NMNAT2: variants seen among roughly 807,000 people sequenced by gnomAD.
NMNAT2 encodes the protein nicotinamide/nicotinic acid mononucleotide adenylyltransferase 2.
A neutral mutation model predicts 41.6 loss-of-function variants in NMNAT2; 11 were observed. The observed-to-expected ratio is 0.26, with a 90% CI of 0.17 to 0.44. The LOEUF is 0.44. Ranked by LOEUF, NMNAT2 falls within the 20% of genes least tolerant of loss-of-function variation. NMNAT2 has a pLI of 1.00. For missense variants in NMNAT2, 288 were observed against 407.7 expected (o/e 0.71, Z 2.53); for synonymous variants, 148 against 151.2 (o/e 0.98, Z 0.16).
chr1:183,295,090 A>G (rs1661651903), intron 1 of NMNAT2, among the ~76,000 whole-genome samples: 1 of 151,980 alleles, frequency 6.6e-6, no homozygotes, highest in Non-Finnish European at 1.5e-5. Flanking sequence ...TGCCACCTCT[A>G]CCTCCTGGGT....
At chr1:183,304,620 C>T in intron 1 of NMNAT2, 1 of 1,559,376 alleles carries the variant, frequency 6.4e-7, no homozygotes. Context: ...CTGCACCTCC[C>T]TCCAGCTGCC....
chr1:183,319,577 T>A (rs1232898935), intron 1 of NMNAT2, among the ~76,000 whole-genome samples: 3 of 152,234 alleles, frequency 2.0e-5, no homozygotes, highest in Non-Finnish European at 2.9e-5. Flanking sequence ...CAGCTTCCAC[T>A]TGCCATGGTG....
At chr1:183,372,234 G>A (rs529116584) in intron 1 of NMNAT2, among the ~76,000 whole-genome samples, 4 of 152,252 alleles carry the variant, frequency 2.6e-5, no homozygotes, top group East Asian at 1.9e-4. Context: ...TGTACTGCCC[G>A]GCATTGGCTA....
At chr1:183,256,627 CT>C (rs1218982600) in intron 10 of NMNAT2, among the ~76,000 whole-genome samples, 1 of 152,148 alleles carries the variant, frequency 6.6e-6, no homozygotes, top group Non-Finnish European at 1.5e-5. Context: ...TTAAACCAGC[CT>C]TGTGTGCCAG....
chr1:183,275,775 C>G (rs1340248675), intron 8 of NMNAT2, among the ~76,000 whole-genome samples: 7 of 152,066 alleles, frequency 4.6e-5, no homozygotes, highest in Admixed American at 2.6e-4. Flanking sequence ...CAGGTTCAAG[C>G]AATTCTCCTG....
chr1:183,380,328 T>G (rs1398604784), intron 1 of NMNAT2, among the ~76,000 whole-genome samples: 2 of 152,250 alleles, frequency 1.3e-5, no homozygotes, highest in Non-Finnish European at 2.9e-5. Flanking sequence ...TTTTCTCATC[T>G]GTTTATTTTT....
At chr1:183,291,891 T>C (rs1452009677) in intron 3 of NMNAT2, among the ~76,000 whole-genome samples, 2 of 152,246 alleles carry the variant, frequency 1.3e-5, no homozygotes, top group East Asian at 3.8e-4. Context: ...GGGCATGTGC[T>C]TCTCACACAA....
rs200707722 is a variant in NMNAT2, at chr1:183,290,167, C to T, written c.282G>A (p.Thr94=). The T allele has an allele frequency of 1.6e-5, 26 of 1,587,754 alleles. No homozygotes were observed. Among genetic ancestry groups the T allele is most frequent in the East Asian group, 1.1e-4 (5 of 43,878 alleles). ...GGTGGTGTTCCAACACGCTGCAGGT[C>T]GTCTGCCAGGTGTCCTGGTAGCACT... ...PWECYQDTWQ[T]TCSVLEHHRD... The change falls in exon 4 of 11, where the codon ACG becomes ACA. Residue 94 remains threonine, a synonymous_variant. Coordinates refer to ENST00000287713, the MANE Select transcript of NMNAT2 (RefSeq NM_015039.4).
At chr1:183,317,418 T>C (rs991583190) in intron 1 of NMNAT2, among the ~76,000 whole-genome samples, 1 of 152,170 alleles carries the variant, frequency 6.6e-6, no homozygotes, top group African/African-American at 2.4e-5. Flanking sequence ...TCAGCCACCA[T>C]GTTCAGCTAA....
intron 1 of NMNAT2, among the ~76,000 whole-genome samples, chr1:183,319,207 G>A (rs1250394175): frequency 1.3e-5 from 2 of 152,148 alleles, no homozygotes; most frequent in Admixed American, 6.5e-5. Flanking sequence ...AATCTGCTCC[G>A]GTTACTTCCA....
chr1:183,292,763 C>T (rs1320655607), intron 3 of NMNAT2, 27 bp downstream of exon 3: 1 of 1,608,070 alleles, frequency 6.2e-7, no homozygotes. Flanking sequence ...CGGGCCACTG[C>T]CTCTGGCATC....
At position 183,292,908 on chromosome 1, in the gene NMNAT2, A is replaced by T; in HGVS notation, c.175-51T>A. 3 of 1,562,302 alleles carry T rather than the reference A, an allele frequency of 1.9e-6. No individual in the cohort carries two copies. In the South Asian group the frequency reaches 3.4e-5, roughly 17 times the overall value. ...GGAGACTCCCTCCGTTCCCCACAAC[A>T]TCCTTGGGATACCAGCCCAAGCCCA... On this transcript the variant is annotated intron_variant, in intron 2 of 10. Coordinates refer to ENST00000287713, the MANE Select transcript of NMNAT2 (RefSeq NM_015039.4).
intron 8 of NMNAT2, among the ~76,000 whole-genome samples, chr1:183,263,289 A>T (rs1380262332): frequency 1.3e-5 from 2 of 152,210 alleles, no homozygotes; most frequent in Admixed American, 1.3e-4. Flanking sequence ...AACACACTGC[A>T]TCTATTGGTG....
chr1:183,362,578 A>T (rs749799503), intron 1 of NMNAT2, among the ~76,000 whole-genome samples: 20 of 152,220 alleles, frequency 1.3e-4, no homozygotes, highest in Non-Finnish European at 2.9e-4. Flanking sequence ...TTCAAGGTTC[A>T]TCCATGTTGT....
chr1:183,397,640 A>G (rs1648687246), intron 1 of NMNAT2, among the ~76,000 whole-genome samples: 1 of 152,238 alleles, frequency 6.6e-6, no homozygotes, highest in African/African-American at 2.4e-5. Context: ...GAAGGAAAAA[A>G]TGTTAAGAGC....
At chr1:183,394,911 G>A (rs1426152295) in intron 1 of NMNAT2, among the ~76,000 whole-genome samples, 1 of 152,180 alleles carries the variant, frequency 6.6e-6, no homozygotes, top group South Asian at 2.1e-4. Flanking sequence ...GATGCTCATT[G>A]ACAATGTCCA....
At chr1:183,273,823 T>TTCCCTCCCTCCCTCCCTCCC (rs1375969151) in intron 8 of NMNAT2, among the ~76,000 whole-genome samples, 24 of 44,988 alleles carry the variant, frequency 5.3e-4, no homozygotes, top group African/African-American at 2.4e-3. Context: ...TTCCTTTCTT[T>TTCCCTCCCTCCCTCCCTCCC]TCCCTCCCTC....
At chr1:183,380,567 T>C (rs1162614053) in intron 1 of NMNAT2, among the ~76,000 whole-genome samples, 1 of 152,114 alleles carries the variant, frequency 6.6e-6, no homozygotes, top group Non-Finnish European at 1.5e-5. Context: ...CAAATGACTA[T>C]GGGAATATGA....
chr1:183,381,716 A>G (rs780108672), intron 1 of NMNAT2, among the ~76,000 whole-genome samples: 1 of 152,198 alleles, frequency 6.6e-6, no homozygotes, highest in African/African-American at 2.4e-5. Context: ...TAAATAAAAT[A>G]AAAAATAAAT....
Sources: allele counts gnomAD v4.1 joint callset (sites outside exome capture counted in the v4.1 genomes callset), GRCh38; gene constraint gnomAD v4.1.1; transcripts MANE v1.5; gene names NCBI Gene and HGNC (gene_info 2026-07-23, HGNC 2026-07-21).